HNRNPU: variants seen among roughly 807,000 people sequenced by gnomAD.
HNRNPU encodes HNRNPU antisense RNA 1.
A neutral mutation model predicts 94.7 loss-of-function variants in HNRNPU; 5 were observed. The ratio of observed to expected loss-of-function variants is 0.05; its 90% CI spans 0.03 to 0.11. The LOEUF (loss-of-function observed/expected upper bound fraction) is 0.11. Among genes scored for constraint, HNRNPU ranks in the 10% least tolerant of loss-of-function variants. HNRNPU has a pLI of 1.00. For missense variants in HNRNPU, 710 were observed against 1,049.2 expected (o/e 0.68, Z 4.47); for synonymous variants, 434 against 381.6 (o/e 1.14, Z -1.60).
At chr1:244,862,938 T>TAGGAGGGG in intron 1 of HNRNPU, 1 of 587,454 alleles carries the variant, frequency 1.7e-6, no homozygotes, top group Admixed American at 3.1e-5. Context: ...TTTGCCAGTC[T>TAGGAGGGG]CCTCGATGAT....
chr1:244,855,190 G>A (rs1489922098), intron 12 of HNRNPU, 146 bp from the exon 13 acceptor site: 1 of 727,530 alleles, frequency 1.4e-6, no homozygotes, highest in East Asian at 2.6e-5. Context: ...ACCCTCTGCT[G>A]GTTTCTTATG....
chr1:244,857,572 G>A, intron 8 of HNRNPU, 26 bp downstream of exon 8: 1 of 1,608,050 alleles, frequency 6.2e-7, no homozygotes. Context: ...TAAACACTGA[G>A]ATCAGGCCCT....
In HNRNPU at chr1:244,852,395, GA is replaced by G. The variant is rs1361197974; in HGVS notation, c.*2054del. ...TACTTTCCCACTGCAATTATAAAAT[GA>G]ATTCCTTAATAAGCAATTTTAAACT... On this transcript the variant is annotated 3_prime_UTR_variant, in exon 14 of 14. Transcript: ENST00000640218. The G allele has an allele frequency of 4.6e-5, 7 of 152,072 alleles. No homozygotes were observed. The highest frequency in any genetic ancestry group is 1.0e-4 in the Non-Finnish European group (7 of 67,982). 9.4% of individuals were successfully genotyped at this position (152,072 alleles called of 1,614,324 possible).
Position 244,864,494 on chromosome 1 carries a change from C to T in HNRNPU, c.-187G>A. On this transcript the variant is annotated 5_prime_UTR_variant, in exon 1 of 14. Transcript: ENST00000640218. ...GCGCCAATTCCTTTCACCGAGTTCG[C>T]GAGGGAGACGCGGAGACTCGCCTGG... The T allele has an allele frequency of 1.0e-6, 1 of 992,088 alleles. No homozygotes were observed. Among genetic ancestry groups the T allele is most frequent in the South Asian group, 1.8e-5 (1 of 55,208 alleles). 61.5% of individuals were successfully genotyped at this position (992,088 alleles called of 1,614,324 possible). A position where few individuals can be genotyped will look rare whatever the true frequency, so the allele number is the denominator to read the frequency against.
rs1478003298 is a variant in HNRNPU, at chr1:244,853,531, T to C, written c.*919A>G. 1 of 152,588 alleles carries C rather than the reference T, an allele frequency of 6.6e-6. No homozygotes were observed. Among genetic ancestry groups the C allele is most frequent in the African/African-American group, 2.4e-5 (1 of 41,432 alleles). The allele number at this position is 152,588 out of a possible 1,614,324, so 9.5% of individuals were successfully genotyped here. On this transcript the variant is annotated 3_prime_UTR_variant, in exon 14 of 14. Coordinates refer to ENST00000640218, the MANE Select transcript of HNRNPU (RefSeq NM_031844.3). ...AAAAATTAAGATATAAATGGGTGAC[T>C]CACAATTTCATTAGCTTACAAAGAT...
intron 7 of HNRNPU, 78 bp downstream of exon 7, chr1:244,857,933 T>C: frequency 1.4e-6 from 2 of 1,412,024 alleles, no homozygotes; most frequent in Non-Finnish European, 1.9e-6. Context: ...AGACTAATCA[T>C]CTAGTTCTTC....
chr1:244,864,506 G>T lies in HNRNPU; in HGVS notation c.-199C>A, dbSNP rs1002262064. 4.5e-5 allele frequency: 40 copies of T among 886,408 alleles called. No individual in the cohort carries two copies. The African/African-American group carries it at 5.9e-4, about 13-fold the overall frequency. The allele number at this position is 886,408 out of a possible 1,614,324, so 54.9% of individuals were successfully genotyped here. On this transcript the variant is annotated 5_prime_UTR_variant, in exon 1 of 14. Coordinates refer to ENST00000640218, the MANE Select transcript of HNRNPU (RefSeq NM_031844.3). ...TTCACCGAGTTCGCGAGGGAGACGC[G>T]GAGACTCGCCTGGCGCGAGCGAGCA...
Position 244,851,062 on chromosome 1 carries a change from G to A in HNRNPU, c.*3388C>T, listed in dbSNP as rs1332007797. On this transcript the variant is annotated 3_prime_UTR_variant, in exon 14 of 14. Coordinates refer to ENST00000640218, the MANE Select transcript of HNRNPU (RefSeq NM_031844.3). The stretch of plus-strand genomic sequence containing the variant: ...GAGCTCAAGTGATCCTCCCGCCTTG[G>A]CCTCCCAAAGTGCTAGGATTACAGG... The A allele has an allele frequency of 1.3e-5, 2 of 151,984 alleles. No individual in the cohort carries two copies. Among genetic ancestry groups the A allele is most frequent in the African/African-American group, 4.8e-5 (2 of 41,372 alleles). 9.4% of individuals were successfully genotyped at this position (151,984 alleles called of 1,614,324 possible). A position where few individuals can be genotyped will look rare whatever the true frequency, so the allele number is the denominator to read the frequency against.
Position 244,851,477 on chromosome 1 carries a change from T to C in HNRNPU, c.*2973A>G, listed in dbSNP as rs752804161. The C allele has an allele frequency of 6.6e-6, 1 of 152,238 alleles. No individual in the cohort carries two copies. The highest frequency in any genetic ancestry group is 2.1e-4 in the South Asian group (1 of 4,834). 9.4% of individuals were successfully genotyped at this position (152,238 alleles called of 1,614,324 possible). A position where few individuals can be genotyped will look rare whatever the true frequency, so the allele number is the denominator to read the frequency against. ...TTAAATACAGAATACACTCTGTTCA[T>C]GAATATAAAATCCCCAGGTGAAAGT... On this transcript the variant is annotated 3_prime_UTR_variant, in exon 14 of 14. Coordinates refer to ENST00000640218, the MANE Select transcript of HNRNPU (RefSeq NM_031844.3).
intron 1 of HNRNPU, among the ~76,000 whole-genome samples, 173 bp downstream of exon 1, chr1:244,863,444 C>G (rs1183535924): frequency 6.6e-6 from 1 of 150,990 alleles, no homozygotes; most frequent in African/African-American, 2.4e-5. Flanking sequence ...ACACACGCCC[C>G]GAGCCCGAGG....
Position 244,856,746 on chromosome 1 carries a change from T to G in HNRNPU, c.1725A>C (p.Arg575=). 1 of 1,611,196 alleles carries G rather than the reference T, an allele frequency of 6.2e-7. No homozygotes were observed. Among genetic ancestry groups the G allele is most frequent in the South Asian group, 1.1e-5 (1 of 90,102 alleles). The part of the protein sequence containing the change: ...KFIEIAARKK[R]NFILDQTNVS... ...AGCGTACCTGATCCAGAATAAAATT[T>G]CGCTTCTTTCGGGCAGCAATCTCAA... is the stretch of plus-strand genomic sequence containing the variant. The change falls in exon 9 of 14, where the codon CGA becomes CGC. Residue 575 remains arginine (R), a synonymous_variant. Coordinates refer to ENST00000640218, the MANE Select transcript of HNRNPU (RefSeq NM_031844.3).
chr1:244,858,103 G>A lies in HNRNPU; in HGVS notation c.1402C>T (p.Pro468Ser). 1.2e-6 allele frequency: 2 copies of A among 1,614,082 alleles called. No homozygotes were observed. Among genetic ancestry groups the A allele is most frequent in the Admixed American group, 1.7e-5 (1 of 60,012 alleles). Reference protein sequence around the residue: ...NFGQKEKPYFPIPEEYTFIQN... With the variant: ...NFGQKEKPYFSIPEEYTFIQN... ...ATGAAAGTATACTCTTCAGGTATTG[G>A]AAAATATGGCTTTTCCTTCTGACCA... Residue 468 changes from proline (P) to serine (S), a missense_variant, in exon 7 of 14, where the codon CCA (proline) becomes TCA (serine). This residue lies in a region of HNRNPU where 150 missense variants were observed against 187.9 expected (regional missense o/e 0.80). Coordinates refer to ENST00000640218, the MANE Select transcript of HNRNPU (RefSeq NM_031844.3).
intron 3 of HNRNPU, chr1:244,860,776 C>T: frequency 2.6e-6 from 1 of 382,524 alleles, no homozygotes; most frequent in East Asian, 4.1e-5. Context: ...CTGCTCTTTA[C>T]CTTGATTTAG....
chr1:244,863,640 C>G lies in HNRNPU; in HGVS notation c.668G>C (p.Gly223Ala), dbSNP rs2102990431. 1 of 1,544,860 alleles carries G rather than the reference C, an allele frequency of 6.5e-7. No homozygotes were observed. The highest frequency in any genetic ancestry group is 8.6e-7 in the Non-Finnish European group (1 of 1,158,858). Residue 223 changes from glycine (G) to alanine (A), a missense_variant, in exon 1 of 14, where the codon GGT becomes GCT. Transcript: ENST00000640218. ...KKKAEGGGGGGRPGAPAAGDG... is the reference protein window; with the variant it reads ...KKKAEGGGGGARPGAPAAGDG... ...ACCCGCCGCCGGAGCCCCGGGGCGACCGCCGCCTCCGCCGCCTTCCGCCTT... is the reference window on the plus strand; with the variant it reads ...ACCCGCCGCCGGAGCCCCGGGGCGAGCGCCGCCTCCGCCGCCTTCCGCCTT...
chr1:244,855,650 C>T (rs772544757), intron 11 of HNRNPU, 42 bp from the exon 12 acceptor site: 1 of 1,573,440 alleles, frequency 6.4e-7, no homozygotes, highest in African/African-American at 1.4e-5. Flanking sequence ...TATATTGTAC[C>T]CTACTTATAC....
rs147367916 is a variant in HNRNPU at position 244,863,491 on chromosome 1, C to A, written c.691+126G>T. The A allele has an allele frequency of 0.01, 11,964 of 1,153,280 alleles. 112 individuals carry two copies. Among genetic ancestry groups the A allele is most frequent in the Non-Finnish European group, 0.011 (10,197 of 910,676 alleles). The allele number at this position is 1,153,280 out of a possible 1,614,324, so 71.4% of individuals were successfully genotyped here. ...ATCTGGGATTCCCCGCGCCCCCTCC[C>A]CCACCCTCACCGCGGCGCCCTCCCG... On this transcript the variant is annotated intron_variant, in intron 1 of 13. Transcript: ENST00000640218.
chr1:244,855,285 C>A, intron 12 of HNRNPU, 139 bp downstream of exon 12: 1 of 860,238 alleles, frequency 1.2e-6, no homozygotes, highest in Non-Finnish European at 1.9e-6. Flanking sequence ...ACTCATTTCA[C>A]CATTACTAGT....
intron 5 of HNRNPU, 28 bp from the exon 6 acceptor site, chr1:244,858,869 T>A: frequency 9.3e-7 from 1 of 1,079,680 alleles, no homozygotes; most frequent in Non-Finnish European, 1.4e-6. Flanking sequence ...CTTCATGAAG[T>A]AGATGTTTAA....
rs756832741 is a variant in HNRNPU at position 244,863,741 on chromosome 1, G to A, written c.567C>T (p.Gly189=). 6.2e-5 allele frequency: 98 copies of A among 1,576,122 alleles called. No homozygotes were observed. Among genetic ancestry groups the A allele is most frequent in the Non-Finnish European group, 8.2e-5 (96 of 1,165,882 alleles). The change falls in exon 1 of 14, where the codon GGC becomes GGT. Residue 189 remains glycine, a synonymous_variant. Coordinates refer to ENST00000640218, the MANE Select transcript of HNRNPU (RefSeq NM_031844.3). ...CCGTCACCGCGAACAGCGAGGTGGG[G>A]CCGCTGCTCTTCCCCGCGGCCTCCT... The part of the protein sequence containing the change: ...AAKEAAGKSS[G]PTSLFAVTVA...
Sources: gnomAD v4.1 joint callset for allele counts (sites outside exome capture counted in the v4.1 genomes callset) on GRCh38, gnomAD v4.1.1 for gene constraint, gnomAD v4.1.1 regional missense constraint, MANE v1.5 for transcripts, NCBI Gene and HGNC (gene_info 2026-07-23, HGNC 2026-07-21) for gene names.